The following WDR64 variants were observed in gnomAD, a reference collection of about 807,000 sequenced individuals.
The protein encoded by WDR64 is WD repeat-containing protein 64.
A neutral mutation model predicts 139.3 loss-of-function variants in WDR64; 112 were observed. The ratio of observed to expected loss-of-function variants is 0.80; its 90% CI spans 0.69 to 0.94. WDR64 has a LOEUF of 0.94. Ranked by LOEUF, WDR64 falls within the 40% of genes least tolerant of loss-of-function variation. The pLI is 0.00. For missense variants in WDR64, 1,206 were observed against 1,293.1 expected, an observed-to-expected ratio of 0.93 and a Z score of 1.03; for synonymous variants, 444 against 437.7, an observed-to-expected ratio of 1.01 and a Z score of -0.18.
chr1:241,684,364 C>T, intron 7 of WDR64, among the ~76,000 whole-genome samples: 1 of 152,130 alleles, frequency 6.6e-6, no homozygotes, highest in Non-Finnish European at 1.5e-5. Context: ...AAGTGATCAT[C>T]AGAAAAAAAT....
At chr1:241,735,647 G>C (rs1669278759) in intron 10 of WDR64, among the ~76,000 whole-genome samples, 1 of 148,120 alleles carries the variant, frequency 6.8e-6, no homozygotes, top group Admixed American at 6.9e-5. Flanking sequence ...CGATTCTCCT[G>C]TCTCAGCCTC....
intron 10 of WDR64, among the ~76,000 whole-genome samples, chr1:241,736,260 T>C (rs912531210): frequency 6.6e-6 from 1 of 152,180 alleles, no homozygotes; most frequent in Non-Finnish European, 1.5e-5. Flanking sequence ...TGTTTGGATC[T>C]AGGGAGATAT....
intron 9 of WDR64, among the ~76,000 whole-genome samples, chr1:241,720,904 C>A (rs1424307040): frequency 6.6e-6 from 1 of 152,152 alleles, no homozygotes; most frequent in Non-Finnish European, 1.5e-5. Context: ...CCTAGATTTT[C>A]TTCTAGGTCT....
Position 241,770,654 on chromosome 1 carries a change from C to A in WDR64, c.2217C>A (p.Ser739=). 6.4e-7 allele frequency: 1 copy of A among 1,551,394 alleles called. No individual in the cohort carries two copies. The highest frequency in any genetic ancestry group is 8.7e-7 in the Non-Finnish European group (1 of 1,146,820). The change falls in exon 18 of 28, where the codon TCC becomes TCA. Residue 739 remains serine (S), a synonymous_variant. Transcript: ENST00000437684. ...RSSQDSICSS[S]QCESSKGPQS... is the part of the protein sequence containing the mutation. ...GTCAGGATTCCATATGTTCTTCATC[C>A]CAGTGTGAATCCAGCAAAGGTCCAC...
intron 8 of WDR64, 77 bp downstream of exon 8, chr1:241,687,672 GA>G: frequency 7.1e-7 from 1 of 1,411,922 alleles, no homozygotes; most frequent in Non-Finnish European, 9.6e-7. Context: ...TGACAGCTTT[GA>G]AACTTTCAAA....
chr1:241,692,789 A>T (rs1298997959), intron 8 of WDR64, among the ~76,000 whole-genome samples: 1 of 152,244 alleles, frequency 6.6e-6, no homozygotes, highest in African/African-American at 2.4e-5. Flanking sequence ...ACTAAGATAC[A>T]CAGATGGGAA....
intron 2 of WDR64, among the ~76,000 whole-genome samples, chr1:241,662,923 T>C (rs577894147): frequency 1.3e-5 from 2 of 152,174 alleles, no homozygotes; most frequent in African/African-American, 4.8e-5. Flanking sequence ...TGTAATCAAT[T>C]ATTTAAAAAT....
rs1658159659 is a variant in WDR64, at chr1:241,766,243, T to C, written c.1973T>C (p.Val658Ala). Residue 658 changes from valine to alanine, a missense_variant, in exon 16 of 28, where the codon GTG becomes GCG. Val to Ala is a moderately conservative substitution (Grantham distance 64). Coordinates refer to ENST00000437684, the MANE Select transcript of WDR64 (RefSeq NM_001367482.1). ...AATCCCACCATGGATTTATTACGAG[T>C]GAACTGCATTGATTTACTACAAGTA... is the stretch of plus-strand genomic sequence containing the variant. ...TDNPTMDLLRVNCIDLLQVEG... is the reference protein window; with the variant it reads ...TDNPTMDLLRANCIDLLQVEG... The C allele has an allele frequency of 1.9e-6, 3 of 1,613,948 alleles. No homozygotes were observed. The East Asian group carries it at 6.7e-5, about 36-fold the overall frequency.
At position 241,691,676 on chromosome 1, in the gene WDR64, C is replaced by A. The variant is rs183943573; in HGVS notation, c.974+4081C>A. On this transcript the variant is annotated intron_variant, in intron 8 of 27. Transcript: ENST00000437684. The stretch of plus-strand genomic sequence containing the variant: ...CAATACAAGGTTATTATATACAAGT[C>A]AATAACTTTCCTATATCCTAACAAT... Among the ~76,000 whole-genome samples, 11 of 152,264 alleles carry A rather than the reference C, an allele frequency of 7.2e-5. No homozygotes were observed. In the East Asian group the frequency reaches 1.9e-3, roughly 27 times the overall value.
In WDR64 at chr1:241,799,202, CAAAAA is replaced by C. The variant is rs4046210; in HGVS notation, c.3193-1913_3193-1909del. ...GAAACACAGTGAGACTTTGTCTCTC[CAAAAA>C]AAAAAAAAAAAAAAAATACAAAAAT... On this transcript the variant is annotated intron_variant, in intron 27 of 27. Transcript: ENST00000437684. Among the ~76,000 whole-genome samples the C allele has an allele frequency of 2.9e-3, 98 of 33,332 alleles. 2 individuals carry two copies. The South Asian group carries it at 0.068, about 23-fold the overall frequency. The allele number at this position is 33,332 out of a possible 152,430, so 21.9% of individuals were successfully genotyped here. A position where few individuals can be genotyped will look rare whatever the true frequency, so the allele number is the denominator to read the frequency against.
At chr1:241,788,937 A>T (rs1224401644) in intron 24 of WDR64, among the ~76,000 whole-genome samples, 1 of 152,140 alleles carries the variant, frequency 6.6e-6, no homozygotes, top group Non-Finnish European at 1.5e-5. Context: ...TTAGCCTTGA[A>T]TGTTCATATA....
intron 23 of WDR64, among the ~76,000 whole-genome samples, chr1:241,785,639 A>G (rs1335540901): frequency 1.3e-5 from 2 of 152,240 alleles, no homozygotes; most frequent in Non-Finnish European, 1.5e-5. Context: ...TACTCAGTTC[A>G]AAGTGCTTAC....
Position 241,769,441 on chromosome 1 carries a change from T to A in WDR64, c.2119T>A (p.Leu707Met). ...AGATTGCTTCACTGTAAACCCTGAC[T>A]TGCATCCCAAGCACTTTAAAATTAA... ...PEDCFTVNPD[L>M]HPKHFKINDI... The change falls in exon 17 of 28, where the codon TTG (leucine) becomes ATG (methionine). Residue 707 changes from leucine (L) to methionine (M), a missense_variant. Physicochemically the swap from Leu to Met is conservative, Grantham distance 15 (BLOSUM62 2). Coordinates refer to ENST00000437684, the MANE Select transcript of WDR64 (RefSeq NM_001367482.1). The A allele has an allele frequency of 6.4e-7, 1 of 1,551,544 alleles. No homozygotes were observed. The highest frequency in any genetic ancestry group is 8.7e-7 in the Non-Finnish European group (1 of 1,146,984).
chr1:241,772,778 A>T lies in WDR64; in HGVS notation c.2291-14A>T. On this transcript the variant is annotated splice_polypyrimidine_tract_variant and intron_variant, in intron 19 of 27. Transcript: ENST00000437684. ...ACGCCTGGCCTCATGATAGTTCATTAATTTCTCGAATAGGTGAACAAACAG... is the reference window on the plus strand; with the variant it reads ...ACGCCTGGCCTCATGATAGTTCATTTATTTCTCGAATAGGTGAACAAACAG... The T allele has an allele frequency of 6.4e-7, 1 of 1,551,498 alleles. No individual in the cohort carries two copies. Among genetic ancestry groups the T allele is most frequent in the East Asian group, 2.4e-5 (1 of 40,902 alleles).
rs1178104497 is a variant in WDR64, at chr1:241,683,528, G to A, written c.666G>A (p.Leu222=). The A allele has an allele frequency of 4.9e-6, 7 of 1,416,480 alleles. No individual in the cohort carries two copies. Among genetic ancestry groups the A allele is most frequent in the Non-Finnish European group, 6.7e-6 (7 of 1,051,948 alleles). 87.7% of individuals were successfully genotyped at this position (1,416,480 alleles called of 1,614,324 possible). A position where few individuals can be genotyped will look rare whatever the true frequency, so the allele number is the denominator to read the frequency against. The part of the protein sequence containing the change: ...FVIKPMDHCL[L]CVCVVPLPDH... ...TAAAACCAATGGATCACTGCCTCCT[G>A]TGTGTGTGTGTGGTGCCTTTGCCTG... Residue 222 remains leucine, a synonymous_variant, in exon 7 of 28, where the codon CTG becomes CTA. Transcript: ENST00000437684.
In WDR64 at chr1:241,652,444, G is replaced by C; in HGVS notation, c.-41G>C. 6.5e-7 allele frequency: 1 copy of C among 1,529,672 alleles called. No homozygotes were observed. Among genetic ancestry groups the C allele is most frequent in the Non-Finnish European group, 8.8e-7 (1 of 1,138,264 alleles). The allele number at this position is 1,529,672 out of a possible 1,614,324, so 94.8% of individuals were successfully genotyped here. A position where few individuals can be genotyped will look rare whatever the true frequency, so the allele number is the denominator to read the frequency against. On this transcript the variant is annotated 5_prime_UTR_variant, in exon 1 of 28. Transcript: ENST00000437684. Reference sequence around the variant, plus strand: ...AGTTTTCCAAATTGGTAAACTTGCAGTATTCTTTCTGTACAGAAGTAAAAG... The same window carrying C: ...AGTTTTCCAAATTGGTAAACTTGCACTATTCTTTCTGTACAGAAGTAAAAG...
intron 13 of WDR64, among the ~76,000 whole-genome samples, chr1:241,747,318 A>G (rs1669801064): frequency 6.6e-6 from 1 of 152,180 alleles, no homozygotes; most frequent in African/African-American, 2.4e-5. Flanking sequence ...AAATCTGGAC[A>G]AGGTCTGTAG....
At chr1:241,678,800 T>C (rs1370322760) in intron 5 of WDR64, among the ~76,000 whole-genome samples, 1 of 135,870 alleles carries the variant, frequency 7.4e-6, no homozygotes, top group Non-Finnish European at 1.5e-5. Context: ...AAGGGTGCCA[T>C]GCTGCCTGGC....
intron 22 of WDR64, among the ~76,000 whole-genome samples, chr1:241,782,777 G>GT (rs899565070): frequency 3.9e-5 from 6 of 152,100 alleles, no homozygotes; most frequent in African/African-American, 1.4e-4. Flanking sequence ...CTTATAGCAT[G>GT]TATCTCCCAC....
Sources: gnomAD v4.1 joint callset for allele counts (sites outside exome capture counted in the v4.1 genomes callset) on GRCh38, gnomAD v4.1.1 for gene constraint, MANE v1.5 for transcripts, NCBI Gene and HGNC (gene_info 2026-07-23, HGNC 2026-07-21) for gene names.